Variants in NOD1 observed in about 807,000 individuals in gnomAD.
The protein encoded by NOD1 is nucleotide-binding oligomerization domain-containing protein 1.
In NOD1, 70 loss-of-function variants were observed where a neutral mutation model predicts 81.2. That is an observed-to-expected ratio of 0.86 (90% confidence interval 0.71 to 1.05). NOD1 has a LOEUF of 1.05. Ranked by LOEUF, NOD1 falls within the 50% of genes least tolerant of loss-of-function variation. The pLI is 0.00. For synonymous variants in NOD1, 508 were observed against 526.9 expected (o/e 0.96, Z 0.49); for missense variants, 1,233 against 1,228.0 (o/e 1.00, Z -0.06).
At chr7:30,441,140 C>T (rs1165499127) in intron 9 of NOD1, among the ~76,000 whole-genome samples, 5 of 60,748 alleles carry the variant, frequency 8.2e-5, no homozygotes, top group Non-Finnish European at 1.3e-4. Context: ...CGGTACCAGC[C>T]GCTGCAAAAT....
chr7:30,430,072 A>G (rs1381224418), intron 12 of NOD1, among the ~76,000 whole-genome samples: 1 of 152,190 alleles, frequency 6.6e-6, no homozygotes, highest in Non-Finnish European at 1.5e-5. Context: ...ATTGTAAGAA[A>G]CACACCATGG....
chr7:30,471,974 G>C (rs562000789), intron 1 of NOD1, among the ~76,000 whole-genome samples: 1 of 152,192 alleles, frequency 6.6e-6, no homozygotes, highest in South Asian at 2.1e-4. Context: ...ACTTTGTTTT[G>C]AGCCTCAGTT....
chr7:30,474,529 T>G (rs1237882205), intron 1 of NOD1, among the ~76,000 whole-genome samples: 1 of 152,228 alleles, frequency 6.6e-6, no homozygotes, highest in Admixed American at 6.5e-5. Flanking sequence ...CCTCAGATCA[T>G]CAGGCATTAA....
intron 5 of NOD1, among the ~76,000 whole-genome samples, chr7:30,453,912 G>A (rs1468623418): frequency 6.6e-6 from 1 of 152,230 alleles, no homozygotes; most frequent in East Asian, 1.9e-4. Context: ...AGTCTTTTGT[G>A]TGAGACTGCT....
At position 30,452,793 on chromosome 7, in the gene NOD1, C is replaced by CT; in HGVS notation, c.623dup (p.Ser209ValfsTer38). Reference sequence around the variant, plus strand: ...TCTGCAGCCGCTGTAGCAGCATGGACTTGCCCACCCCAGCATCACCCAGGA... The same window carrying CT: ...TCTGCAGCCGCTGTAGCAGCATGGACTTTGCCCACCCCAGCATCACCCAGGA... On this transcript the variant is annotated frameshift_variant, in exon 6 of 14. Transcript: ENST00000222823. LOFTEE classifies it high-confidence loss of function. 6.2e-7 allele frequency: 1 copy of CT among 1,614,188 alleles called. No individual in the cohort carries two copies. The highest frequency in any genetic ancestry group is 8.5e-7 in the Non-Finnish European group (1 of 1,180,048).
Position 30,452,218 on chromosome 7 carries a change from C to A in NOD1, c.1199G>T (p.Cys400Phe). Residue 400 changes from cysteine to phenylalanine, a missense_variant, in exon 6 of 14, where the codon TGC (cysteine) becomes TTC (phenylalanine). Transcript: ENST00000222823. Reference sequence around the variant, plus strand: ...AAAGGCAGCACGGAAGTGCTGGAAGCACCGGAAGATGATCCAGCAGAAGAG... The same window carrying A: ...AAAGGCAGCACGGAAGTGCTGGAAGAACCGGAAGATGATCCAGCAGAAGAG... ...VPLFCWIIFR[C>F]FQHFRAAFEG... 1 of 1,613,886 alleles carries A rather than the reference C, an allele frequency of 6.2e-7. No individual in the cohort carries two copies. The highest frequency in any genetic ancestry group is 8.5e-7 in the Non-Finnish European group (1 of 1,180,012).
Position 30,433,115 on chromosome 7 carries a change from G to A in NOD1, c.2686C>T (p.Gln896Ter), listed in dbSNP as rs747505627. ...AGTTACCATAAATGCTTTAACGTCT[G>A]GTTGACTTTCAACATTTCTGCCAAA... Reference protein sequence around the residue: ...ESLAEMLKVNQTLKHLWLIQN... With the variant: ...ESLAEMLKVN Residue 896 changes from glutamine (Q) to a stop codon, truncating the protein, a stop_gained, in exon 12 of 14, where the codon CAG becomes TAG. Transcript: ENST00000222823. LOFTEE classifies it high-confidence loss of function. 2 of 1,612,972 alleles carry A rather than the reference G, an allele frequency of 1.2e-6. No homozygotes were observed. Among genetic ancestry groups the A allele is most frequent in the Non-Finnish European group, 1.7e-6 (2 of 1,179,058 alleles).
At chr7:30,445,278 T>TAAAAA (rs55875433) in intron 9 of NOD1, among the ~76,000 whole-genome samples, 118 of 69,158 alleles carry the variant, frequency 1.7e-3, no homozygotes, top group East Asian at 2.7e-3. Context: ...AAAAAGAATC[T>TAAAAA]AAAAAAAAAA....
chr7:30,426,065 A>AT (rs1209691995), intron 13 of NOD1, among the ~76,000 whole-genome samples: 1 of 151,508 alleles, frequency 6.6e-6, no homozygotes, highest in Non-Finnish European at 1.5e-5. Flanking sequence ...ATATGCGCTG[A>AT]TTTTTCTCCT....
intron 13 of NOD1, 78 bp downstream of exon 13, chr7:30,429,296 G>A (rs953019312): frequency 7.4e-5 from 91 of 1,232,316 alleles, no homozygotes; most frequent in Non-Finnish European, 1.1e-4. Context: ...AAACCACCCT[G>A]CGTTGTGCCT....
At chr7:30,445,278 T>TAAAAAAAAAAAAAAAAAAAAAAAAAGA (rs55875433) in intron 9 of NOD1, among the ~76,000 whole-genome samples, 1 of 69,176 alleles carries the variant, frequency 1.4e-5, no homozygotes, top group Non-Finnish European at 2.5e-5. Context: ...AAAAAGAATC[T>TAAAAAAAAAAAAAAAAAAAAAAAAAGA]AAAAAAAAAA....
At chr7:30,438,889 G>A (rs1784619526) in intron 9 of NOD1, among the ~76,000 whole-genome samples, 2 of 152,152 alleles carry the variant, frequency 1.3e-5, no homozygotes, top group Non-Finnish European at 2.9e-5. Context: ...GAGCTTAAAT[G>A]TTAACAAGAA....
chr7:30,454,456 T>C (rs1326846336), intron 5 of NOD1, among the ~76,000 whole-genome samples: 2 of 152,250 alleles, frequency 1.3e-5, no homozygotes, highest in Non-Finnish European at 2.9e-5. Flanking sequence ...TGCTCACCAC[T>C]GTCTCCCTGA....
intron 11 of NOD1, among the ~76,000 whole-genome samples, chr7:30,433,942 C>T (rs962128364): frequency 5.9e-5 from 9 of 152,334 alleles, no homozygotes; most frequent in African/African-American, 1.9e-4. Context: ...AAGCTTTATA[C>T]ATTGCAGCAT....
Position 30,466,255 on chromosome 7 carries a change from C to T in NOD1, c.-351-6214G>A, listed in dbSNP as rs147183464. Among the ~76,000 whole-genome samples the T allele has an allele frequency of 7.8e-4, 119 of 152,332 alleles. 2 individuals carry two copies. In the East Asian group the frequency reaches 0.02, roughly 26 times the overall value. ...AGACACCTGGTAGGATTACACTTCC[C>T]TACCCCTTTGAAGTTACAGGCTTTA... is the stretch of plus-strand genomic sequence containing the variant. On this transcript the variant is annotated intron_variant, in intron 1 of 13. Transcript: ENST00000222823.
intron 1 of NOD1, among the ~76,000 whole-genome samples, chr7:30,472,058 G>A (rs1368103518): frequency 1.3e-5 from 2 of 152,218 alleles, no homozygotes; most frequent in Non-Finnish European, 2.9e-5. Flanking sequence ...TATAGCTTAA[G>A]AAGTAGAGAT....
In NOD1 at chr7:30,451,292, C is replaced by G. The variant is rs1357959814; in HGVS notation, c.2125G>C (p.Asp709His). The part of the protein sequence containing the change: ...LHHFPKRLAL[D>H]LDNNNLNDYG... ...TCGTTGAGATTGTTGTTGTCTAGGT[C>G]TAGGGCCAGCCGCTTGGGGAAGTGA... Residue 709 changes from aspartate (D) to histidine (H), a missense_variant, in exon 6 of 14, where the codon GAC becomes CAC. By Grantham distance (81) the Asp-to-His change is moderately conservative. Coordinates refer to ENST00000222823, the MANE Select transcript of NOD1 (RefSeq NM_006092.4). The surrounding 1 kb of genome is among the most constrained non-coding windows in gnomAD (Gnocchi z 4.2). The G allele has an allele frequency of 6.2e-7, 1 of 1,614,186 alleles. No homozygotes were observed. The highest frequency in any genetic ancestry group is 8.5e-7 in the Non-Finnish European group (1 of 1,180,040).
At chr7:30,460,088 G>A (rs1786860730) in intron 1 of NOD1, 47 bp from the exon 2 acceptor site, 3 of 253,874 alleles carry the variant, frequency 1.2e-5, no homozygotes, top group Non-Finnish European at 1.9e-5. Flanking sequence ...CAAGGAGGCT[G>A]CTTTATAATG....
At chr7:30,445,278 T>TTA (rs1491256966) in intron 9 of NOD1, among the ~76,000 whole-genome samples, 3 of 69,176 alleles carry the variant, frequency 4.3e-5, no homozygotes, top group East Asian at 4.5e-4. Flanking sequence ...AAAAAGAATC[T>TTA]AAAAAAAAAA....
Sources: gnomAD v4.1 joint callset for allele counts (sites outside exome capture counted in the v4.1 genomes callset) on GRCh38, gnomAD v4.1.1 for gene constraint, Gnocchi (gnomAD v3.1) non-coding constraint, MANE v1.5 for transcripts, NCBI Gene and HGNC (gene_info 2026-07-23, HGNC 2026-07-21) for gene names.